SPATA7: variants seen among roughly 807,000 people sequenced by gnomAD.
SPATA7 encodes the protein spermatogenesis associated 7, also known as spermatogenesis-associated protein 7.
Under a neutral mutation model 51.8 loss-of-function variants are expected in SPATA7, and 43 were observed. The ratio of observed to expected loss-of-function variants is 0.83; its 90% CI spans 0.65 to 1.07. SPATA7 has a LOEUF of 1.07. Ranked by LOEUF, SPATA7 falls within the 50% of genes least tolerant of loss-of-function variation. The probability of loss-of-function intolerance (pLI) is 0.00; values close to 1 mark genes in which losing one functional copy is unlikely to be tolerated. For missense variants in SPATA7, 683 were observed against 701.3 expected (o/e 0.97, Z 0.30); for synonymous variants, 230 against 252.8 (o/e 0.91, Z 0.86).
intron 3 of SPATA7, among the ~76,000 whole-genome samples, chr14:88,447,740 C>T (rs1469023402): frequency 1.3e-5 from 2 of 151,958 alleles, no homozygotes; most frequent in East Asian, 1.9e-4. Context: ...TCCTTCACTT[C>T]TGAAGCTTAG....
chr14:88,442,397 A>G (rs958161108), downstream of SPATA7, among the ~76,000 whole-genome samples: 3 of 151,972 alleles, frequency 2.0e-5, no homozygotes, highest in African/African-American at 7.3e-5. Context: ...TTTAGTAGAG[A>G]CGGGGTTTCA....
intron 4 of SPATA7, 38 bp downstream of exon 4, chr14:88,396,241 A>G (rs1219746391): frequency 6.9e-7 from 1 of 1,441,814 alleles, no homozygotes; most frequent in Non-Finnish European, 9.7e-7. Context: ...TTTTAAAAAA[A>G]AATTAAGGTA....
chr14:88,416,709 A>G lies in SPATA7; in HGVS notation c.239-2A>G. 1 of 1,613,040 alleles carries G rather than the reference A, an allele frequency of 6.2e-7. No homozygotes were observed. ...TTTTGAAAGATTTGTTTTCCCTTTT[A>G]GATGCAGACCAACAACGAAGAGAGA... On this transcript the variant is annotated splice_acceptor_variant, in intron 4 of 11. Coordinates refer to ENST00000393545, the MANE Select transcript of SPATA7 (RefSeq NM_018418.5). LOFTEE classifies it high-confidence loss of function.
chr14:88,443,000 G>A (rs2077188241), downstream of SPATA7, among the ~76,000 whole-genome samples: 1 of 149,282 alleles, frequency 6.7e-6, no homozygotes, highest in Admixed American at 6.7e-5. Flanking sequence ...GGAGTGCAGT[G>A]GTGCGATCTC....
At chr14:88,393,650 A>T (rs2075803828) in intron 3 of SPATA7, 162 bp downstream of exon 3, 1 of 557,458 alleles carries the variant, frequency 1.8e-6, no homozygotes, top group African/African-American at 1.9e-5. Context: ...GGTACTTAGC[A>T]AATTCATACC....
At chr14:88,389,578 C>A (rs780913405) in intron 1 of SPATA7, among the ~76,000 whole-genome samples, 3 of 152,108 alleles carry the variant, frequency 2.0e-5, no homozygotes, top group African/African-American at 7.2e-5. Context: ...CCTTGGTGTA[C>A]GTCTGATGGT....
intron 4 of SPATA7, chr14:88,467,871 G>GC (rs1230675137): frequency 2.2e-6 from 1 of 454,862 alleles, no homozygotes; most frequent in Non-Finnish European, 3.9e-6. Context: ...CAAAATGTGT[G>GC]CAAGTACTGC....
chr14:88,414,992 G>A (rs568702419), intron 4 of SPATA7, among the ~76,000 whole-genome samples: 1 of 152,248 alleles, frequency 6.6e-6, no homozygotes, highest in South Asian at 2.1e-4. Context: ...TGATCTTAGA[G>A]TATGTTCCAC....
chr14:88,453,820 C>T (rs889367789), intron 3 of SPATA7, among the ~76,000 whole-genome samples: 4 of 152,222 alleles, frequency 2.6e-5, no homozygotes, highest in Middle Eastern at 3.4e-3. Flanking sequence ...CCAGATGGAA[C>T]CAGTAAGGAA....
intron 4 of SPATA7, among the ~76,000 whole-genome samples, chr14:88,404,608 T>A (rs573220993): frequency 1.3e-5 from 2 of 152,126 alleles, no homozygotes; most frequent in Admixed American, 6.5e-5. Flanking sequence ...TTCCAGCTAC[T>A]CGGGAGGCTG....
chr14:88,426,257 A>T lies in SPATA7; in HGVS notation c.398A>T (p.Asp133Val), dbSNP rs1277563640. ...CCCTCAGGCGAACCGCAAATTGAGG[A>T]TGACATGTTAAAAGAAGAAATGAAT... ...QKPSGEPQIEDDMLKEEMNGF... is the reference protein window; with the variant it reads ...QKPSGEPQIEVDMLKEEMNGF... Residue 133 changes from aspartate to valine, a missense_variant, in exon 6 of 12, where the codon GAT becomes GTT. Asp to Val is a radical substitution (Grantham distance 152, BLOSUM62 -3). Transcript: ENST00000393545. The T allele has an allele frequency of 3.1e-6, 5 of 1,613,996 alleles. 1 individual carries two copies. In the South Asian group the frequency reaches 5.5e-5, roughly 18 times the overall value.
intron 4 of SPATA7, among the ~76,000 whole-genome samples, chr14:88,409,406 G>C (rs1195432142): frequency 6.6e-6 from 1 of 152,094 alleles, no homozygotes; most frequent in Admixed American, 6.5e-5. Context: ...TTCTCTGGTG[G>C]TAGTTTGTAT....
intron 9 of SPATA7, 128 bp downstream of exon 9, chr14:88,431,353 A>G (rs1007747182): frequency 5.8e-5 from 51 of 879,558 alleles, no homozygotes; most frequent in Non-Finnish European, 1.5e-5. Context: ...ATAAATGTAC[A>G]TATTCATGGA....
intron 8 of SPATA7, among the ~76,000 whole-genome samples, chr14:88,430,137 T>C (rs955490384): frequency 6.6e-5 from 10 of 151,842 alleles, no homozygotes; most frequent in African/African-American, 2.4e-4. Flanking sequence ...GAAATGCCGG[T>C]GGAAGGGGTA....
At chr14:88,447,384 A>G (rs1484644646) in intron 3 of SPATA7, among the ~76,000 whole-genome samples, 1 of 150,708 alleles carries the variant, frequency 6.6e-6, no homozygotes, top group African/African-American at 2.5e-5. Context: ...GTGTCTCTGC[A>G]CGTGAGATGG....
chr14:88,464,394 A>C (rs1000658328), intron 4 of SPATA7, among the ~76,000 whole-genome samples: 19 of 152,288 alleles, frequency 1.2e-4, no homozygotes, highest in Admixed American at 2.0e-4. Flanking sequence ...CTTGCTGATA[A>C]GCAAATTCAA....
intron 8 of SPATA7, 84 bp from the exon 9 acceptor site, chr14:88,431,088 G>A (rs1471992075): frequency 8.5e-7 from 1 of 1,171,914 alleles, no homozygotes; most frequent in Non-Finnish European, 1.3e-6. Flanking sequence ...GGGCTATTCA[G>A]TGTGTACTAA....
chr14:88,391,160 CTGTT>C (rs2075733714), intron 1 of SPATA7, among the ~76,000 whole-genome samples: 2 of 152,210 alleles, frequency 1.3e-5, no homozygotes, highest in African/African-American at 2.4e-5. Context: ...TAAAACATCT[CTGTT>C]TGGGGGATAA....
At chr14:88,407,864 A>G (rs1381228384) in intron 4 of SPATA7, among the ~76,000 whole-genome samples, 1 of 151,624 alleles carries the variant, frequency 6.6e-6, no homozygotes, top group Non-Finnish European at 1.5e-5. Flanking sequence ...TTAAATAGGG[A>G]CTCCTTTCCC....
Sources: allele counts gnomAD v4.1 joint callset (sites outside exome capture counted in the v4.1 genomes callset), GRCh38; gene constraint gnomAD v4.1.1; transcripts MANE v1.5; gene names NCBI Gene and HGNC (gene_info 2026-07-23, HGNC 2026-07-21).